The following ZNF644 variants were observed in gnomAD, a reference collection of about 807,000 sequenced individuals.
ZNF644 encodes zinc finger protein 644.
In ZNF644, 20 loss-of-function variants were observed where a neutral mutation model predicts 108.0. That is an observed-to-expected ratio of 0.19 (90% CI 0.13 to 0.27). The LOEUF (loss-of-function observed/expected upper bound fraction) is 0.27. Ranked by LOEUF, ZNF644 falls within the 10% of genes least tolerant of loss-of-function variation. The probability of loss-of-function intolerance (pLI) is 1.00; values close to 1 mark genes in which losing one functional copy is unlikely to be tolerated. For missense variants in ZNF644, 1,338 were observed against 1,548.9 expected, an observed-to-expected ratio of 0.86 and a Z score of 2.29; for synonymous variants, 542 against 539.1, an observed-to-expected ratio of 1.01 and a Z score of -0.08.
chr1:90,964,340 T>C (rs953317363), intron 2 of ZNF644, among the ~76,000 whole-genome samples: 1 of 152,128 alleles, frequency 6.6e-6, no homozygotes, highest in African/African-American at 2.4e-5. Flanking sequence ...ATCTATTTTC[T>C]CACATTTAGA....
intron 4 of ZNF644, among the ~76,000 whole-genome samples, chr1:90,926,904 A>G (rs1228694809): frequency 1.3e-5 from 2 of 152,182 alleles, no homozygotes; most frequent in Admixed American, 1.3e-4. Flanking sequence ...TCTGCATTCA[A>G]ATAGTTCCCC....
chr1:91,014,246 T>TTAC (rs2100664110), intron 1 of ZNF644, among the ~76,000 whole-genome samples: 1 of 152,276 alleles, frequency 6.6e-6, no homozygotes, highest in East Asian at 1.9e-4. Flanking sequence ...TTAACTATAG[T>TTAC]TACTATGCCC....
intron 2 of ZNF644, among the ~76,000 whole-genome samples, chr1:90,974,079 T>C (rs921273227): frequency 1.1e-4 from 16 of 152,282 alleles, no homozygotes; most frequent in African/African-American, 3.8e-4. Context: ...AAGAAGAATC[T>C]GAACAAACAG....
chr1:90,959,199 CAAT>C (rs1654071355), intron 2 of ZNF644, among the ~76,000 whole-genome samples: 2 of 152,112 alleles, frequency 1.3e-5, no homozygotes, highest in Admixed American at 1.3e-4. Context: ...ATCAATACTA[CAAT>C]AATACCACTT....
intron 1 of ZNF644, among the ~76,000 whole-genome samples, chr1:90,997,491 C>T (rs563443618): frequency 6.6e-6 from 1 of 151,550 alleles, no homozygotes; most frequent in East Asian, 1.9e-4. Flanking sequence ...AGAGGAGAAT[C>T]TGATTATCAG....
intron 1 of ZNF644, among the ~76,000 whole-genome samples, chr1:91,016,129 T>G (rs1407119485): frequency 6.6e-6 from 1 of 152,204 alleles, no homozygotes; most frequent in Non-Finnish European, 1.5e-5. Flanking sequence ...TGTGTCTGTG[T>G]GTAAAGTATT....
chr1:91,002,394 T>G (rs904323817), intron 1 of ZNF644, among the ~76,000 whole-genome samples: 37 of 152,302 alleles, frequency 2.4e-4, no homozygotes, highest in Admixed American at 2.4e-3. Context: ...AACCATCTGA[T>G]CTTTGACAAA....
intron 4 of ZNF644, among the ~76,000 whole-genome samples, chr1:90,932,983 A>T (rs1557557054): frequency 6.6e-6 from 1 of 152,170 alleles, no homozygotes; most frequent in African/African-American, 2.4e-5. Context: ...TCATATTTTT[A>T]AAATAACACC....
intron 2 of ZNF644, among the ~76,000 whole-genome samples, chr1:90,978,874 A>AGAATCTAT (rs1346757533): frequency 6.6e-6 from 1 of 152,168 alleles, no homozygotes; most frequent in Non-Finnish European, 1.5e-5. Context: ...ATATACGGTA[A>AGAATCTAT]GAATCTATGT....
intron 1 of ZNF644, among the ~76,000 whole-genome samples, chr1:91,008,285 C>G (rs763080656): frequency 1.7e-4 from 26 of 152,168 alleles, no homozygotes; most frequent in Non-Finnish European, 3.4e-4. Context: ...GTGTTGCTTA[C>G]TTGTTATACA....
At chr1:91,010,983 T>C (rs539490497) in intron 1 of ZNF644, among the ~76,000 whole-genome samples, 1 of 152,360 alleles carries the variant, frequency 6.6e-6, no homozygotes, top group African/African-American at 2.4e-5. Context: ...TGTATTTTTT[T>C]CTACATAGTC....
chr1:91,004,018 A>G (rs1009755876), intron 1 of ZNF644, among the ~76,000 whole-genome samples: 1 of 152,132 alleles, frequency 6.6e-6, no homozygotes, highest in African/African-American at 2.4e-5. Flanking sequence ...AGTCTGAGGA[A>G]CAGAAAGAAA....
chr1:90,975,099 C>T (rs963949460), intron 2 of ZNF644, among the ~76,000 whole-genome samples: 1 of 152,152 alleles, frequency 6.6e-6, no homozygotes, highest in Non-Finnish European at 1.5e-5. Flanking sequence ...TCTGGGAGGC[C>T]TTGCCATATT....
At chr1:91,004,742 A>G (rs1242097632) in intron 1 of ZNF644, among the ~76,000 whole-genome samples, 2 of 152,196 alleles carry the variant, frequency 1.3e-5, no homozygotes, top group Non-Finnish European at 1.5e-5. Context: ...ATGTTTGTAT[A>G]TTATTAAAAT....
intron 1 of ZNF644, among the ~76,000 whole-genome samples, chr1:91,004,144 G>A (rs1425885148): frequency 1.3e-5 from 2 of 151,828 alleles, no homozygotes; most frequent in African/African-American, 4.8e-5. Context: ...GGCAGAAAGA[G>A]CATTTAAAGA....
At chr1:90,976,549 T>G (rs1656024181) in intron 2 of ZNF644, among the ~76,000 whole-genome samples, 1 of 152,234 alleles carries the variant, frequency 6.6e-6, no homozygotes. Flanking sequence ...CATATTGGAA[T>G]GATATTTGCC....
At chr1:90,934,900 A>G (rs919088550) in intron 4 of ZNF644, among the ~76,000 whole-genome samples, 10 of 152,148 alleles carry the variant, frequency 6.6e-5, no homozygotes, top group Admixed American at 5.2e-4. Context: ...GATTTCCCCA[A>G]GCTAGAACTA....
intron 2 of ZNF644, among the ~76,000 whole-genome samples, chr1:90,955,811 G>A (rs1354644013): frequency 7.9e-5 from 12 of 152,190 alleles, no homozygotes; most frequent in Admixed American, 7.8e-4. Flanking sequence ...GTGCTCACTG[G>A]AGTAGTACTT....
At chr1:90,974,632 G>T (rs556947330) in intron 2 of ZNF644, among the ~76,000 whole-genome samples, 1 of 152,092 alleles carries the variant, frequency 6.6e-6, no homozygotes, top group Non-Finnish European at 1.5e-5. Context: ...CTCTTTTGCT[G>T]TGTAAATCTC....
Sources: gnomAD v4.1 joint callset for allele counts (sites outside exome capture counted in the v4.1 genomes callset) on GRCh38, gnomAD v4.1.1 for gene constraint, MANE v1.5 for transcripts, NCBI Gene and HGNC (gene_info 2026-07-23, HGNC 2026-07-21) for gene names.